The following CANX variants were observed in gnomAD, a reference collection of about 807,000 sequenced individuals.
CANX encodes the protein calnexin.
CANX carries 14 observed loss-of-function variants against 75.7 expected under a neutral mutation model. The ratio of observed to expected loss-of-function variants is 0.19; its 90% CI spans 0.12 to 0.29. The LOEUF (loss-of-function observed/expected upper bound fraction) is 0.29. CANX is among the 10% of genes least tolerant of loss of function. CANX has a pLI of 1.00. For missense variants in CANX, 567 were observed against 713.2 expected, an observed-to-expected ratio of 0.79 and a Z score of 2.34; for synonymous variants, 227 against 236.9, an observed-to-expected ratio of 0.96 and a Z score of 0.38.
intron 1 of CANX, among the ~76,000 whole-genome samples, chr5:179,702,857 C>T (rs1353628766): frequency 6.6e-6 from 1 of 152,046 alleles, no homozygotes; most frequent in Admixed American, 6.6e-5. Flanking sequence ...GCAAACTCCA[C>T]TTCCCGGGTT....
chr5:179,727,885 A>G (rs141721451), intron 14 of CANX, among the ~76,000 whole-genome samples: 56 of 152,286 alleles, frequency 3.7e-4, no homozygotes, highest in Admixed American at 1.2e-3. Context: ...TGTATGTACC[A>G]TTGCTTACTA....
intron 5 of CANX, among the ~76,000 whole-genome samples, chr5:179,708,594 T>G (rs1777317549): frequency 6.6e-6 from 1 of 152,214 alleles, no homozygotes; most frequent in African/African-American, 2.4e-5. Flanking sequence ...TCTAAATAAC[T>G]TGTAGATTTT....
chr5:179,724,591 A>C, intron 12 of CANX, 66 bp from the exon 13 acceptor site: 1 of 1,388,358 alleles, frequency 7.2e-7, no homozygotes, highest in South Asian at 1.2e-5. Context: ...GCCTGTAGGC[A>C]TTCAGGAATT....
At chr5:179,698,322 G>T, upstream of CANX, 1 of 826,310 alleles carries the variant, frequency 1.2e-6, no homozygotes, top group Non-Finnish European at 1.6e-6. Flanking sequence ...TATTATTCTG[G>T]ACTGTGTGTT....
Position 179,720,415 on chromosome 5 carries a change from T to C in CANX, c.1037T>C (p.Met346Thr), listed in dbSNP as rs1778235933. Residue 346 changes from methionine to threonine, a missense_variant, in exon 10 of 15, where the codon ATG becomes ACG. Around this residue, in one of 3 missense-constraint regions of CANX, gnomAD observed 351 missense variants for 433.8 expected, o/e 0.81. Transcript: ENST00000247461. Reference protein sequence around the residue: ...AEKPEDWDEDMDGEWEAPQIA... With the variant: ...AEKPEDWDEDTDGEWEAPQIA... ...TTGTACCTCCGTAGGGATGAAGACATGGATGGAGAATGGGAGGCTCCTCAG... is the reference window on the plus strand; with the variant it reads ...TTGTACCTCCGTAGGGATGAAGACACGGATGGAGAATGGGAGGCTCCTCAG... 6.2e-7 allele frequency: 1 copy of C among 1,613,848 alleles called. No individual in the cohort carries two copies. The highest frequency in any genetic ancestry group is 8.5e-7 in the Non-Finnish European group (1 of 1,179,784).
At chr5:179,726,010 C>T (rs1007237262) in intron 13 of CANX, among the ~76,000 whole-genome samples, 2 of 150,938 alleles carry the variant, frequency 1.3e-5, no homozygotes, top group African/African-American at 4.9e-5. Flanking sequence ...AATTGTTGGC[C>T]GAGCAAGGTG....
intron 1 of CANX, among the ~76,000 whole-genome samples, chr5:179,687,900 TG>T: frequency 6.6e-6 from 1 of 151,192 alleles, no homozygotes; most frequent in Non-Finnish European, 1.5e-5. Context: ...CTGGGTGTGG[TG>T]GCGCACACCT....
intron 2 of CANX, 134 bp from the exon 3 acceptor site, chr5:179,706,124 T>G: frequency 3.2e-6 from 2 of 618,096 alleles, no homozygotes; most frequent in Non-Finnish European, 5.6e-6. Flanking sequence ...TAGAGGCCAA[T>G]TATATGGGTT....
At chr5:179,697,624 A>G (rs1183499905), upstream of CANX, among the ~76,000 whole-genome samples, 1 of 152,154 alleles carries the variant, frequency 6.6e-6, no homozygotes, top group East Asian at 1.9e-4. Context: ...TTGGGGCTGA[A>G]GTTGGGGCGC....
intron 1 of CANX, among the ~76,000 whole-genome samples, chr5:179,683,785 C>T (rs148673889): frequency 0.044 from 6,758 of 152,172 alleles, 206 homozygotes; most frequent in African/African-American, 0.082. Context: ...CCATCTGCCT[C>T]GGCCTCCCAA....
chr5:179,723,584 AAC>A (rs1193641137), intron 11 of CANX, 74 bp from the exon 12 acceptor site: 127 of 1,517,650 alleles, frequency 8.4e-5, no homozygotes, highest in Middle Eastern at 3.5e-4. Context: ...GCCATAACTG[AAC>A]TGCAGAAAAA....
rs990829553 is a variant in CANX at position 179,699,274 on chromosome 5, G to A, written c.-4+172G>A. Among the ~76,000 whole-genome samples, 21 of 152,280 alleles carry A rather than the reference G, an allele frequency of 1.4e-4. 1 individual carries two copies. Among genetic ancestry groups the A allele is most frequent in the Admixed American group, 1.3e-3 (20 of 15,294 alleles). On this transcript the variant is annotated intron_variant, in intron 1 of 14. Coordinates refer to ENST00000247461, the MANE Select transcript of CANX (RefSeq NM_001746.4). The stretch of plus-strand genomic sequence containing the variant: ...CGTGAGCGAGGAGGCCCGAATCCGG[G>A]CGTCTTTGGTTGGGTTGCGGGCCCA...
At chr5:179,681,095 C>T (rs1273543085) in intron 1 of CANX, 2 of 595,410 alleles carry the variant, frequency 3.4e-6, no homozygotes, top group Non-Finnish European at 6.1e-6. Flanking sequence ...TGCCTCCAGG[C>T]CAGGCCACCC....
chr5:179,728,593 G>T lies in CANX; in HGVS notation c.1728G>T (p.Glu576Asp), dbSNP rs1485217155. 2 of 1,573,848 alleles carry T rather than the reference G, an allele frequency of 1.3e-6. No individual in the cohort carries two copies. The highest frequency in any genetic ancestry group is 1.7e-6 in the Non-Finnish European group (2 of 1,143,662). The change falls in exon 15 of 15, where the codon GAG becomes GAT. Residue 576 changes from glutamate (E) to aspartate (D), a missense_variant and splice_region_variant. Coordinates refer to ENST00000247461, the MANE Select transcript of CANX (RefSeq NM_001746.4). ...ATGAATTTCTTTTCAATCAATAGGA[G>T]GATGAAATTTTGAACAGATCACCAA... ...EEEDRKPKAE[E>D]DEILNRSPRN...
chr5:179,687,249 T>C (rs9637935), intron 1 of CANX, among the ~76,000 whole-genome samples: 69,591 of 151,992 alleles, frequency 0.46, 16,289 homozygotes, highest in African/African-American at 0.56. Flanking sequence ...ACTACAGGCA[T>C]GCGCCAACAC....
chr5:179,687,441 C>T (rs989665305), intron 1 of CANX, among the ~76,000 whole-genome samples: 2 of 152,176 alleles, frequency 1.3e-5, no homozygotes, highest in Admixed American at 6.6e-5. Flanking sequence ...TTTATCGTTG[C>T]ACCAATACTG....
At chr5:179,718,111 C>CCT (rs1431827710) in intron 8 of CANX, among the ~76,000 whole-genome samples, 1 of 152,136 alleles carries the variant, frequency 6.6e-6, no homozygotes, top group Admixed American at 6.5e-5. Context: ...GTCAAGCGAT[C>CCT]CTCTCCCGCC....
chr5:179,716,332 A>G, intron 8 of CANX, 38 bp downstream of exon 8: 4 of 1,467,290 alleles, frequency 2.7e-6, no homozygotes, highest in Non-Finnish European at 3.8e-6. Context: ...GTAAGGGAGC[A>G]TTTCATATAT....
At chr5:179,679,622 A>G (rs1202947988) in intron 1 of CANX, among the ~76,000 whole-genome samples, 1 of 152,020 alleles carries the variant, frequency 6.6e-6, no homozygotes, top group African/African-American at 2.4e-5. Flanking sequence ...TGGAAAATGG[A>G]GAACTTCTAG....
Sources: gnomAD v4.1 joint callset for allele counts (sites outside exome capture counted in the v4.1 genomes callset) on GRCh38, gnomAD v4.1.1 for gene constraint, gnomAD v4.1.1 regional missense constraint, MANE v1.5 for transcripts, NCBI Gene and HGNC (gene_info 2026-07-23, HGNC 2026-07-21) for gene names.